ALB: variants seen among roughly 807,000 people sequenced by gnomAD.
The protein encoded by ALB is albumin.
A neutral mutation model predicts 74.5 loss-of-function variants in ALB; 37 were observed. That is an observed-to-expected ratio of 0.50 (90% confidence interval 0.38 to 0.65). ALB has a LOEUF of 0.65. Ranked by LOEUF, ALB falls within the 30% of genes least tolerant of loss-of-function variation. ALB has a pLI of 0.00. For missense variants in ALB, 685 were observed against 718.7 expected, an observed-to-expected ratio of 0.95 and a Z score of 0.54; for synonymous variants, 249 against 251.6, an observed-to-expected ratio of 0.99 and a Z score of 0.10.
At chr4:73,413,751 C>A (rs1718940416) in intron 8 of ALB, 117 bp downstream of exon 8, 1 of 982,446 alleles carries the variant, frequency 1.0e-6, no homozygotes, top group African/African-American at 1.6e-5. Flanking sequence ...AATGTTTCTT[C>A]ATCCTTCCCT....
chr4:73,405,423 T>C (rs1171787340), intron 2 of ALB, among the ~76,000 whole-genome samples: 2 of 152,212 alleles, frequency 1.3e-5, no homozygotes, highest in South Asian at 4.1e-4. Context: ...TATTTAATTG[T>C]AGTTAATTTG....
At chr4:73,410,936 A>G (rs1242745259) in intron 6 of ALB, among the ~76,000 whole-genome samples, 2 of 152,164 alleles carry the variant, frequency 1.3e-5, no homozygotes, top group Non-Finnish European at 2.9e-5. Context: ...TCAGTCACCA[A>G]CTAAGTTGAA....
chr4:73,412,186 G>T, intron 7 of ALB, 61 bp downstream of exon 7: 1 of 1,600,800 alleles, frequency 6.2e-7, no homozygotes, highest in African/African-American at 1.3e-5. Flanking sequence ...GAATGGATGC[G>T]TTTGGTATCA....
chr4:73,407,720 C>A (rs1056857231), intron 3 of ALB, among the ~76,000 whole-genome samples: 1 of 152,060 alleles, frequency 6.6e-6, no homozygotes, highest in African/African-American at 2.4e-5. Flanking sequence ...TTTCTACATA[C>A]AATAAAAAAG....
rs368982595 is a variant in ALB, at chr4:73,408,722, C to T, written c.399C>T (p.Asn133=). 2.5e-6 allele frequency: 4 copies of T among 1,613,902 alleles called. No homozygotes were observed. The African/African-American group carries it at 5.3e-5, about 22-fold the overall frequency. The change falls in exon 4 of 15, where the codon AAC becomes AAT. Residue 133 remains asparagine, a synonymous_variant. Transcript: ENST00000295897. ...GCTTCTTGCAACACAAAGATGACAA[C>T]CCAAACCTCCCCCGATTGGTGAGAC... is the stretch of plus-strand genomic sequence containing the variant. ...NECFLQHKDD[N]PNLPRLVRPE...
At chr4:73,413,718 G>A in intron 8 of ALB, 84 bp downstream of exon 8, 1 of 1,342,060 alleles carries the variant, frequency 7.5e-7, no homozygotes. Flanking sequence ...CTGTGGAGTT[G>A]CTACAATTTC....
intron 9 of ALB, chr4:73,415,432 C>CA (rs11427330): frequency 0.49 from 164,733 of 339,476 alleles, 38,538 homozygotes; most frequent in Non-Finnish European, 0.52. Context: ...ATCCTGAGAA[C>CA]AAAAAAAAAT....
At chr4:73,418,023 T>A in intron 11 of ALB, 65 bp from the exon 12 acceptor site, 1 of 1,511,476 alleles carries the variant, frequency 6.6e-7, no homozygotes, top group South Asian at 1.1e-5. Flanking sequence ...TAATTTTTTG[T>A]ATTTTTAGTA....
At chr4:73,404,847 A>G in intron 1 of ALB, 1 of 430,702 alleles carries the variant, frequency 2.3e-6, no homozygotes, top group Non-Finnish European at 4.1e-6. Context: ...TAGACACTAA[A>G]AGAGTATTAG....
At position 73,404,394 on chromosome 4, in the gene ALB, C is replaced by T. The variant is rs80008208; in HGVS notation, c.67C>T (p.Arg23Cys). 1.2e-4 allele frequency: 189 copies of T among 1,612,254 alleles called. No homozygotes were observed. The highest frequency in any genetic ancestry group is 1.5e-4 in the Non-Finnish European group (176 of 1,178,626). Residue 23 changes from arginine (R) to cysteine (C), a missense_variant, in exon 1 of 15, where the codon CGT becomes TGT. Physicochemically the swap from Arg to Cys is radical, Grantham distance 180. Coordinates refer to ENST00000295897, the MANE Select transcript of ALB (RefSeq NM_000477.7). ...FSSAYSRGVF[R>C]RDAHKSEVAH... is the part of the protein sequence containing the mutation. ...CTCGGCTTATTCCAGGGGTGTGTTTCGTCGAGATGCACGTAAGAAATCCAT... is the reference window on the plus strand; with the variant it reads ...CTCGGCTTATTCCAGGGGTGTGTTTTGTCGAGATGCACGTAAGAAATCCAT...
At chr4:73,416,763 T>G (rs887109685) in intron 10 of ALB, among the ~76,000 whole-genome samples, 1 of 152,192 alleles carries the variant, frequency 6.6e-6, no homozygotes, top group African/African-American at 2.4e-5. Flanking sequence ...CAAATGAATT[T>G]AGATACATAT....
chr4:73,410,154 A>T (rs1455030176), intron 5 of ALB, among the ~76,000 whole-genome samples, 158 bp from the exon 6 acceptor site: 2 of 152,110 alleles, frequency 1.3e-5, no homozygotes, highest in Non-Finnish European at 2.9e-5. Flanking sequence ...TCCTTTTCTT[A>T]GAGAGCAAAA....
Position 73,417,520 on chromosome 4 carries a change from C to A in ALB, c.1290-11C>A. The stretch of plus-strand genomic sequence containing the variant: ...TTGCCTTGCTGAAAACACATGACTT[C>A]TTTTTTTCAGGCTATTAGTTCGTTA... On this transcript the variant is annotated splice_polypyrimidine_tract_variant and intron_variant, in intron 10 of 14. Coordinates refer to ENST00000295897, the MANE Select transcript of ALB (RefSeq NM_000477.7). 6.2e-7 allele frequency: 1 copy of A among 1,613,806 alleles called. No individual in the cohort carries two copies. The highest frequency in any genetic ancestry group is 8.5e-7 in the Non-Finnish European group (1 of 1,179,838).
At chr4:73,404,934 C>A (rs774433142) in intron 1 of ALB, 182 bp from the exon 2 acceptor site, 2 of 631,400 alleles carry the variant, frequency 3.2e-6, no homozygotes, top group African/African-American at 1.9e-5. Context: ...TTGAATTATT[C>A]TTCTGTTTAA....
At chr4:73,417,906 T>G (rs1211048138) in intron 11 of ALB, 182 bp from the exon 12 acceptor site, 1 of 715,396 alleles carries the variant, frequency 1.4e-6, no homozygotes, top group Admixed American at 2.3e-5. Context: ...TGGAGTGCAG[T>G]GGTGCCATCT....
chr4:73,419,689 T>A (rs570464564), intron 13 of ALB, 50 bp downstream of exon 13: 1 of 1,606,264 alleles, frequency 6.2e-7, no homozygotes, highest in East Asian at 2.2e-5. Context: ...TTTTTGCATG[T>A]TTGGTTAGGC....
rs1477355316 is a variant in ALB, at chr4:73,412,035, G to C, written c.753G>C (p.Glu251Asp). 6.2e-7 allele frequency: 1 copy of C among 1,614,154 alleles called. No homozygotes were observed. Among genetic ancestry groups the C allele is most frequent in the Non-Finnish European group, 8.5e-7 (1 of 1,180,018 alleles). Residue 251 changes from glutamate (E) to aspartate (D), a missense_variant, in exon 7 of 15, where the codon GAG (glutamate) becomes GAC (aspartate). Glu to Asp is a conservative substitution (Grantham distance 45). Coordinates refer to ENST00000295897, the MANE Select transcript of ALB (RefSeq NM_000477.7). Reference sequence around the variant, plus strand: ...TGAGCCAGAGATTTCCCAAAGCTGAGTTTGCAGAAGTTTCCAAGTTAGTGA... The same window carrying C: ...TGAGCCAGAGATTTCCCAAAGCTGACTTTGCAGAAGTTTCCAAGTTAGTGA... ...ARLSQRFPKA[E>D]FAEVSKLVTD... is the part of the protein sequence containing the mutation.
intron 3 of ALB, 98 bp downstream of exon 3, chr4:73,406,859 T>C (rs1718743459): frequency 7.2e-7 from 1 of 1,398,508 alleles, no homozygotes; most frequent in Non-Finnish European, 9.8e-7. Context: ...TATTATTAAG[T>C]GTCCTGATTT....
intron 3 of ALB, 110 bp downstream of exon 3, chr4:73,406,871 T>C: frequency 7.7e-7 from 1 of 1,301,132 alleles, no homozygotes; most frequent in South Asian, 1.3e-5. Flanking sequence ...TCCTGATTTG[T>C]AAGAAACACT....
Sources: allele counts gnomAD v4.1 joint callset (sites outside exome capture counted in the v4.1 genomes callset), GRCh38; gene constraint gnomAD v4.1.1; transcripts MANE v1.5; gene names NCBI Gene and HGNC (gene_info 2026-07-23, HGNC 2026-07-21).